IL1R1: variants seen among roughly 807,000 people sequenced by gnomAD.
The protein encoded by IL1R1 is interleukin-1 receptor type 1.
IL1R1 carries 22 observed loss-of-function variants against 50.2 expected under a neutral mutation model. The ratio of observed to expected loss-of-function variants is 0.44; its 90% confidence interval spans 0.31 to 0.63. The LOEUF (loss-of-function observed/expected upper bound fraction) is 0.63. Ranked by LOEUF, IL1R1 falls within the 20% of genes least tolerant of loss-of-function variation. The pLI, the probability that IL1R1 is intolerant of heterozygous loss-of-function variation, is 0.07. For missense variants in IL1R1, 509 were observed against 676.2 expected (o/e 0.75, Z 2.74); for synonymous variants, 251 against 236.7 (o/e 1.06, Z -0.55).
At chr2:102,164,405 T>A (rs1216088889) in intron 3 of IL1R1, among the ~76,000 whole-genome samples, 1 of 152,188 alleles carries the variant, frequency 6.6e-6, no homozygotes, top group Non-Finnish European at 1.5e-5. Flanking sequence ...TGAATACTGT[T>A]GTTTCATATA....
chr2:102,084,949 A>T (rs1256865780), intron 1 of IL1R1, among the ~76,000 whole-genome samples: 1 of 152,176 alleles, frequency 6.6e-6, no homozygotes, highest in African/African-American at 2.4e-5. Flanking sequence ...CCGCAATTTC[A>T]TTCTGGCTTT....
chr2:102,176,248 G>A, intron 11 of IL1R1, 105 bp from the exon 12 acceptor site: 1 of 847,880 alleles, frequency 1.2e-6, no homozygotes, highest in Admixed American at 2.7e-5. Context: ...CAAGAAAAAG[G>A]CATTAGGAGC....
chr2:102,140,950 G>A (rs1348428084), upstream of IL1R1, among the ~76,000 whole-genome samples: 1 of 152,080 alleles, frequency 6.6e-6, no homozygotes, highest in East Asian at 1.9e-4. Context: ...GGCTGAACGG[G>A]GACAACACTT....
chr2:102,107,505 G>C (rs1218011887), intron 1 of IL1R1, among the ~76,000 whole-genome samples: 1 of 151,930 alleles, frequency 6.6e-6, no homozygotes, highest in African/African-American at 2.4e-5. Context: ...GGTGGGAGGA[G>C]GGGGGAGGGA....
chr2:102,130,170 G>A (rs978735205), intron 1 of IL1R1, among the ~76,000 whole-genome samples: 2 of 152,206 alleles, frequency 1.3e-5, no homozygotes, highest in African/African-American at 4.8e-5. Flanking sequence ...AAAGTCCACT[G>A]TACGTGTGTA....
At chr2:102,123,777 TAATAAAATAAAATAAAATAA>T (rs57287555) in intron 1 of IL1R1, among the ~76,000 whole-genome samples, 21 of 148,942 alleles carry the variant, frequency 1.4e-4, no homozygotes, top group Admixed American at 4.0e-4. Flanking sequence ...GACTGTGTCT[TAATAAAATAAAATAAAATAA>T]AATAAAATAA....
chr2:102,097,844 T>C (rs1377132097), intron 1 of IL1R1, among the ~76,000 whole-genome samples: 1 of 152,050 alleles, frequency 6.6e-6, no homozygotes, highest in Admixed American at 6.6e-5. Context: ...CTACCAAATA[T>C]TCAAGCAATA....
intron 1 of IL1R1, among the ~76,000 whole-genome samples, chr2:102,130,282 A>G (rs904872472): frequency 3.3e-5 from 5 of 152,222 alleles, no homozygotes; most frequent in African/African-American, 1.2e-4. Flanking sequence ...AATATAACGT[A>G]TCTTTTTCTT....
At chr2:102,115,288 T>C (rs1487257329) in intron 1 of IL1R1, among the ~76,000 whole-genome samples, 2 of 152,178 alleles carry the variant, frequency 1.3e-5, no homozygotes, top group Non-Finnish European at 2.9e-5. Flanking sequence ...AGCCTGTCCA[T>C]AGTGATTGCC....
At chr2:102,099,910 C>T (rs1054089046), upstream of IL1R1, among the ~76,000 whole-genome samples, 17 of 152,168 alleles carry the variant, frequency 1.1e-4, no homozygotes, top group African/African-American at 1.4e-4. Flanking sequence ...ATCTTAATGG[C>T]GTCTTTTGGG....
intron 1 of IL1R1, among the ~76,000 whole-genome samples, chr2:102,112,522 G>A (rs1232074246): frequency 6.6e-6 from 1 of 152,120 alleles, no homozygotes; most frequent in Non-Finnish European, 1.5e-5. Flanking sequence ...AAGGAGGGCA[G>A]GGCTTGCTTC....
At chr2:102,101,487 C>A (rs1336755708), upstream of IL1R1, among the ~76,000 whole-genome samples, 1 of 152,184 alleles carries the variant, frequency 6.6e-6, no homozygotes, top group African/African-American at 2.4e-5. Flanking sequence ...CATACTTGCA[C>A]AAACATGCAC....
chr2:102,176,026 T>C (rs145708599), intron 11 of IL1R1: 202 of 450,288 alleles, frequency 4.5e-4, no homozygotes, highest in African/African-American at 3.9e-3. Context: ...TTTGAGTTAG[T>C]CTATAAAATG....
At chr2:102,148,881 G>A (rs1683386828) in intron 1 of IL1R1, among the ~76,000 whole-genome samples, 1 of 152,162 alleles carries the variant, frequency 6.6e-6, no homozygotes. Context: ...GGAGGTCAAG[G>A]CTGCAGTGAG....
intron 1 of IL1R1, among the ~76,000 whole-genome samples, chr2:102,117,556 A>T (rs1681154328): frequency 6.6e-6 from 1 of 152,226 alleles, no homozygotes; most frequent in Non-Finnish European, 1.5e-5. Flanking sequence ...GTACACAAAG[A>T]GCTATTTCTG....
intron 1 of IL1R1, among the ~76,000 whole-genome samples, chr2:102,118,072 A>G (rs185576915): frequency 1.1e-3 from 169 of 152,098 alleles, no homozygotes; most frequent in African/African-American, 3.9e-3. Flanking sequence ...TTCCTGGGTG[A>G]TGGGAGTCTT....
At chr2:102,146,597 T>C (rs1350665156) in intron 1 of IL1R1, among the ~76,000 whole-genome samples, 2 of 152,204 alleles carry the variant, frequency 1.3e-5, no homozygotes, top group Non-Finnish European at 2.9e-5. Flanking sequence ...AAGGTCTTGA[T>C]GGTAGCCAAA....
chr2:102,076,601 A>G (rs1484901678), intron 1 of IL1R1, among the ~76,000 whole-genome samples: 1 of 152,134 alleles, frequency 6.6e-6, no homozygotes, highest in Middle Eastern at 3.2e-3. Flanking sequence ...TAGGTCTAGA[A>G]TTATTTCTTT....
intron 1 of IL1R1, among the ~76,000 whole-genome samples, chr2:102,074,200 C>T (rs1678861196): frequency 6.6e-6 from 1 of 152,226 alleles, no homozygotes; most frequent in African/African-American, 2.4e-5. Flanking sequence ...TCCCCTACCC[C>T]CAGTCCAGAA....
Sources: allele counts gnomAD v4.1 joint callset (sites outside exome capture counted in the v4.1 genomes callset), GRCh38; gene constraint gnomAD v4.1.1; transcripts MANE v1.5; gene names NCBI Gene and HGNC (gene_info 2026-07-23, HGNC 2026-07-21).